Variants in RPIA observed in about 807,000 individuals in gnomAD.
The protein encoded by RPIA is ribose 5-phosphate isomerase A.
In RPIA, 29 loss-of-function variants were observed where a neutral mutation model predicts 37.8. The ratio of observed to expected loss-of-function variants is 0.77; its 90% CI spans 0.57 to 1.05. RPIA has a LOEUF of 1.05. Among genes scored for constraint, RPIA ranks in the 50% least tolerant of loss-of-function variants. The pLI is 0.00. For synonymous variants in RPIA, 167 were observed against 157.0 expected, an observed-to-expected ratio of 1.06 and a Z score of -0.48; for missense variants, 385 against 413.6, an observed-to-expected ratio of 0.93 and a Z score of 0.60.
At chr2:88,697,267 A>C (rs1263974459) in intron 1 of RPIA, among the ~76,000 whole-genome samples, 1 of 152,238 alleles carries the variant, frequency 6.6e-6, no homozygotes, top group East Asian at 1.9e-4. Context: ...TCCTTACAAT[A>C]TTGAACTCAT....
chr2:88,748,567 T>C (rs1051519651), intron 8 of RPIA, among the ~76,000 whole-genome samples: 2 of 152,244 alleles, frequency 1.3e-5, no homozygotes, highest in Non-Finnish European at 2.9e-5. Flanking sequence ...GTTAAAGTGT[T>C]ATGTCATTGA....
chr2:88,706,001 A>G (rs919986891), intron 3 of RPIA, among the ~76,000 whole-genome samples: 4 of 152,252 alleles, frequency 2.6e-5, no homozygotes, highest in Admixed American at 6.5e-5. Flanking sequence ...CAAAAGTGCA[A>G]TGAGATACCA....
Position 88,691,712 on chromosome 2 carries a change from G to C in RPIA, c.14G>C (p.Gly5Ala), listed in dbSNP as rs1676933532. 1 of 1,580,048 alleles carries C rather than the reference G, an allele frequency of 6.3e-7. No homozygotes were observed. The highest frequency in any genetic ancestry group is 1.4e-5 in the African/African-American group (1 of 73,886). ...CGAGGCGTCGGGATGCAGCGCCCCG[G>C]GCCCTTCAGCACCCTCTACGGGCGG... MQRPGPFSTLYGRVL... is the reference protein window; with the variant it reads MQRPAPFSTLYGRVL... Residue 5 changes from glycine (G) to alanine (A), a missense_variant, in exon 1 of 9, where the codon GGG becomes GCG. Transcript: ENST00000283646.
chr2:88,725,457 C>T (rs1673184894), intron 3 of RPIA, among the ~76,000 whole-genome samples: 1 of 152,044 alleles, frequency 6.6e-6, no homozygotes, highest in Non-Finnish European at 1.5e-5. Context: ...TGTCCTGTGC[C>T]TTCCTCCTAA....
chr2:88,711,934 C>T (rs1049650870), intron 3 of RPIA, among the ~76,000 whole-genome samples: 5 of 152,020 alleles, frequency 3.3e-5, no homozygotes, highest in African/African-American at 1.2e-4. Flanking sequence ...GAGCTCAGTT[C>T]GAGACCAGCC....
Position 88,736,602 on chromosome 2 carries a change from T to A in RPIA, c.664T>A (p.Tyr222Asn). ...GIPIEVIPMA[Y>N]VPVSRAVSQK... ...CCCCATCGAGGTCATCCCAATGGCC[T>A]ATGTCCCAGTGAGCCGAGCTGTGAG... The change falls in exon 7 of 9, where the codon TAT becomes AAT. Residue 222 changes from tyrosine (Y) to asparagine (N), a missense_variant. Transcript: ENST00000283646. 2 of 1,614,162 alleles carry A rather than the reference T, an allele frequency of 1.2e-6. No homozygotes were observed. The highest frequency in any genetic ancestry group is 1.7e-6 in the Non-Finnish European group (2 of 1,180,028).
intron 8 of RPIA, among the ~76,000 whole-genome samples, chr2:88,743,905 C>T (rs1379217225): frequency 6.6e-6 from 1 of 152,050 alleles, no homozygotes; most frequent in Non-Finnish European, 1.5e-5. Context: ...CTTCTCTCTT[C>T]TTTTCTTGGT....
At chr2:88,724,770 A>G (rs1673176423) in intron 3 of RPIA, among the ~76,000 whole-genome samples, 1 of 152,222 alleles carries the variant, frequency 6.6e-6, no homozygotes, top group South Asian at 2.1e-4. Flanking sequence ...GAAGGTAAAG[A>G]AGAAGGTAAA....
chr2:88,743,594 A>G (rs1673407471), intron 8 of RPIA, among the ~76,000 whole-genome samples: 1 of 152,106 alleles, frequency 6.6e-6, no homozygotes, highest in Admixed American at 6.6e-5. Context: ...ATCTTTTGGA[A>G]TAGTTTCAGT....
chr2:88,695,423 A>G (rs1478981996), intron 1 of RPIA, among the ~76,000 whole-genome samples: 1 of 152,160 alleles, frequency 6.6e-6, no homozygotes, highest in Non-Finnish European at 1.5e-5. Context: ...TGCAGAGTAG[A>G]TTGCTTGCTT....
chr2:88,693,514 C>T (rs2104064045), intron 1 of RPIA, among the ~76,000 whole-genome samples: 1 of 152,334 alleles, frequency 6.6e-6, no homozygotes, highest in East Asian at 1.9e-4. Flanking sequence ...TTCCGTGATT[C>T]TGTAGCACTT....
rs570800090 is a variant in RPIA at position 88,727,096 on chromosome 2, T to TGC, written c.403-2175_403-2174dup. Reference sequence around the variant, plus strand: ...TCTTGTGTGCGTGCGTGTGTGTGTGTGCGCGCGCATGTGTGCGCGTGCATG... The same window carrying TGC: ...TCTTGTGTGCGTGCGTGTGTGTGTGTGCGCGCGCGCATGTGTGCGCGTGCATG... On this transcript the variant is annotated intron_variant, in intron 3 of 8. Transcript: ENST00000283646. Among the ~76,000 whole-genome samples, 1,198 of 151,012 alleles carry TGC rather than the reference T, an allele frequency of 7.9e-3. 2 individuals carry two copies. Among genetic ancestry groups the TGC allele is most frequent in the South Asian group, 0.013 (63 of 4,808 alleles).
chr2:88,717,063 G>T (rs942065777), intron 3 of RPIA, among the ~76,000 whole-genome samples: 24 of 152,174 alleles, frequency 1.6e-4, no homozygotes, highest in African/African-American at 4.6e-4. Context: ...TCTCTCTGCA[G>T]CACTCCCTCC....
intron 2 of RPIA, among the ~76,000 whole-genome samples, chr2:88,699,527 TC>T (rs2104073893): frequency 6.6e-6 from 1 of 152,220 alleles, no homozygotes; most frequent in South Asian, 2.1e-4. Flanking sequence ...AAAGTAAAGT[TC>T]TGGCTTTTTC....
At chr2:88,739,117 G>T (rs1039741452) in intron 8 of RPIA, among the ~76,000 whole-genome samples, 6 of 152,306 alleles carry the variant, frequency 3.9e-5, no homozygotes, top group Non-Finnish European at 5.9e-5. Flanking sequence ...GCTAGAGGAG[G>T]TATCAAGGGC....
Position 88,749,490 on chromosome 2 carries a change from G to A in RPIA, c.839-491G>A, listed in dbSNP as rs145408362. Among the ~76,000 whole-genome samples, 902 of 152,220 alleles carry A rather than the reference G, an allele frequency of 5.9e-3. 4 individuals carry two copies. The highest frequency in any genetic ancestry group is 0.016 in the African/African-American group (665 of 41,534). ...TGATTTATAAATTGTTTATATTTTTGATATGAGTCCTTTGTCAGGTATATG... is the reference window on the plus strand; with the variant it reads ...TGATTTATAAATTGTTTATATTTTTAATATGAGTCCTTTGTCAGGTATATG... On this transcript the variant is annotated intron_variant, in intron 8 of 8. Coordinates refer to ENST00000283646, the MANE Select transcript of RPIA (RefSeq NM_144563.3).
At chr2:88,702,311 C>G (rs1427692183) in intron 3 of RPIA, among the ~76,000 whole-genome samples, 1 of 152,206 alleles carries the variant, frequency 6.6e-6, no homozygotes. Flanking sequence ...CATTTTTCCT[C>G]CCTTTCTAAT....
rs1387115989 is a variant in RPIA at position 88,729,734 on chromosome 2, C to T, written c.462+397C>T. On this transcript the variant is annotated intron_variant, in intron 4 of 8. Transcript: ENST00000283646. ...TTGAAAATATTAAAACTAAGCAGAA[C>T]TGAAGGAAATAGAGACACAAAAAAC... 1.5e-4 allele frequency among the ~76,000 whole-genome samples: 2 copies of T among 12,988 alleles called. 1 individual carries two copies. The highest frequency in any genetic ancestry group is 3.4e-4 in the Non-Finnish European group (2 of 5,854). 8.5% of individuals were successfully genotyped at this position (12,988 alleles called of 152,430 possible). A position where few individuals can be genotyped will look rare whatever the true frequency, so the allele number is the denominator to read the frequency against.
intron 8 of RPIA, among the ~76,000 whole-genome samples, chr2:88,738,337 G>A (rs1673340797): frequency 6.6e-6 from 1 of 152,224 alleles, no homozygotes; most frequent in South Asian, 2.1e-4. Context: ...GAAGCTGATG[G>A]AAGTTCAGAG....
Sources: gnomAD v4.1 joint callset for allele counts (sites outside exome capture counted in the v4.1 genomes callset) on GRCh38, gnomAD v4.1.1 for gene constraint, MANE v1.5 for transcripts, NCBI Gene and HGNC (gene_info 2026-07-23, HGNC 2026-07-21) for gene names.